Variants in PLA2R1 observed in about 807,000 individuals in gnomAD.
PLA2R1 encodes phospholipase A2 receptor 1.
A neutral mutation model predicts 195.9 loss-of-function variants in PLA2R1; 158 were observed. That is an observed-to-expected ratio of 0.81 (90% CI 0.71 to 0.92). The LOEUF is 0.92. Ranked by LOEUF, PLA2R1 falls within the 40% of genes least tolerant of loss-of-function variation. The pLI is 0.00. For missense variants in PLA2R1, 1,626 were observed against 1,764.6 expected, an observed-to-expected ratio of 0.92 and a Z score of 1.41; for synonymous variants, 586 against 598.2, an observed-to-expected ratio of 0.98 and a Z score of 0.30.
chr2:160,045,981 T>C (rs2105623829), intron 1 of PLA2R1, among the ~76,000 whole-genome samples: 1 of 152,184 alleles, frequency 6.6e-6, no homozygotes, highest in East Asian at 1.9e-4. Context: ...TTTGGGTGAG[T>C]TTCCCGTGGA....
At chr2:159,965,992 G>A (rs61167435) in intron 20 of PLA2R1, among the ~76,000 whole-genome samples, 15 of 152,142 alleles carry the variant, frequency 9.9e-5, no homozygotes, top group Admixed American at 4.6e-4. Context: ...GGCCTGATGC[G>A]TATTCACTGT....
chr2:159,944,363 C>G (rs899840397), intron 28 of PLA2R1, among the ~76,000 whole-genome samples: 5 of 152,084 alleles, frequency 3.3e-5, no homozygotes, highest in Admixed American at 6.5e-5. Flanking sequence ...ATTTTCCCAC[C>G]ATCAGTGACT....
intron 28 of PLA2R1, among the ~76,000 whole-genome samples, chr2:159,943,281 C>G (rs1024146977): frequency 6.6e-6 from 1 of 152,110 alleles, no homozygotes; most frequent in African/African-American, 2.4e-5. Flanking sequence ...CAGACTTGTT[C>G]TTTTAATATA....
chr2:160,000,013 A>G (rs1035119626), intron 11 of PLA2R1, among the ~76,000 whole-genome samples: 1 of 152,158 alleles, frequency 6.6e-6, no homozygotes, highest in African/African-American at 2.4e-5. Flanking sequence ...CTTGCAAATG[A>G]AGTAAAAGTA....
intron 25 of PLA2R1, 27 bp from the exon 26 acceptor site, chr2:159,947,586 CA>C (rs1687469175): frequency 1.1e-5 from 18 of 1,609,590 alleles, no homozygotes; most frequent in Non-Finnish European, 1.4e-5. Flanking sequence ...GTTATGATTT[CA>C]GGGTGGTGAC....
At position 159,984,049 on chromosome 2, in the gene PLA2R1, T is replaced by C; in HGVS notation, c.2062A>G (p.Met688Val). The stretch of plus-strand genomic sequence containing the variant: ...TCAGCTTCTCTCCATGTTCTTTTCA[T>C]CAGAACTTTTTCACTATGAAATACC... ...FKVFHSEKVLMKRTWREAEAF... is the reference protein window; with the variant it reads ...FKVFHSEKVLVKRTWREAEAF... The change falls in exon 13 of 30, where the codon ATG (methionine) becomes GTG (valine). Residue 688 changes from methionine to valine, a missense_variant. Met to Val is a conservative substitution (Grantham distance 21). Transcript: ENST00000283243. 1 of 1,573,974 alleles carries C rather than the reference T, an allele frequency of 6.4e-7. No homozygotes were observed. The highest frequency in any genetic ancestry group is 1.1e-5 in the South Asian group (1 of 88,682).
chr2:160,011,142 A>C, intron 10 of PLA2R1, among the ~76,000 whole-genome samples: 1 of 152,232 alleles, frequency 6.6e-6, no homozygotes, highest in Admixed American at 6.5e-5. Context: ...AGTTTTGGGG[A>C]AAATGAAACA....
chr2:159,974,461 G>A (rs1689402090), intron 17 of PLA2R1, among the ~76,000 whole-genome samples: 1 of 152,180 alleles, frequency 6.6e-6, no homozygotes, highest in Non-Finnish European at 1.5e-5. Context: ...GTTATGGTAA[G>A]TATAGCCAAA....
chr2:160,061,917 T>C (rs1695981025), intron 1 of PLA2R1, among the ~76,000 whole-genome samples: 1 of 152,108 alleles, frequency 6.6e-6, no homozygotes, highest in Non-Finnish European at 1.5e-5. Flanking sequence ...TTTGCTATCA[T>C]TTATCCGTCC....
intron 12 of PLA2R1, among the ~76,000 whole-genome samples, chr2:159,985,506 A>G (rs1690262842): frequency 6.6e-6 from 1 of 152,192 alleles, no homozygotes; most frequent in African/African-American, 2.4e-5. Flanking sequence ...ACTAATTTAA[A>G]TGTAGGATCT....
Position 159,969,259 on chromosome 2 carries a change from T to A in PLA2R1, c.2761A>T (p.Thr921Ser). ...SQRCGFISSITGLWGSEECSV... is the reference protein window; with the variant it reads ...SQRCGFISSISGLWGSEECSV... ...AAAAATGGGTAAGTAAAATAACCTG[T>A]TATAGAAGAAATAAAGCCACATCTC... Residue 921 changes from threonine to serine, a missense_variant, in exon 19 of 30, where the codon ACA becomes TCA. By Grantham distance (58) the Thr-to-Ser change is moderately conservative (BLOSUM62 1). Coordinates refer to ENST00000283243, the MANE Select transcript of PLA2R1 (RefSeq NM_007366.5). The A allele has an allele frequency of 6.4e-7, 1 of 1,558,330 alleles. No homozygotes were observed. The highest frequency in any genetic ancestry group is 8.8e-7 in the Non-Finnish European group (1 of 1,130,252).
intron 21 of PLA2R1, 21 bp from the exon 22 acceptor site, chr2:159,955,849 A>T: frequency 6.5e-7 from 1 of 1,546,020 alleles, no homozygotes; most frequent in Non-Finnish European, 8.9e-7. Flanking sequence ...GGAATACATT[A>T]TCTAATTTAA....
Position 159,941,562 on chromosome 2 carries a change from C to T in PLA2R1, c.*216G>A. 2 of 378,186 alleles carry T rather than the reference C, an allele frequency of 5.3e-6. No homozygotes were observed. The highest frequency in any genetic ancestry group is 4.2e-5 in the Admixed American group (1 of 23,916). The allele number at this position is 378,186 out of a possible 1,614,324, so 23.4% of individuals were successfully genotyped here. On this transcript the variant is annotated 3_prime_UTR_variant, in exon 30 of 30. Transcript: ENST00000283243. The stretch of plus-strand genomic sequence containing the variant: ...GAAAAATAACCAATGCATAATTTAC[C>T]CCTTTTAAGAATGGATCACAGTTTA...
intron 17 of PLA2R1, among the ~76,000 whole-genome samples, chr2:159,973,838 G>A (rs1318843636): frequency 6.6e-6 from 1 of 152,096 alleles, no homozygotes; most frequent in African/African-American, 2.4e-5. Flanking sequence ...CATCAACGTG[G>A]TCATAGGCCA....
chr2:160,049,924 A>G (rs1430143484), intron 1 of PLA2R1, among the ~76,000 whole-genome samples: 5 of 152,202 alleles, frequency 3.3e-5, no homozygotes, highest in African/African-American at 1.2e-4. Flanking sequence ...GCACATGGAC[A>G]CAGGGAGGGA....
chr2:160,001,404 TA>T (rs528186405), intron 11 of PLA2R1, among the ~76,000 whole-genome samples: 125 of 151,710 alleles, frequency 8.2e-4, no homozygotes, highest in Middle Eastern at 3.4e-3. Context: ...AAAACATGAC[TA>T]AAAAATGCAG....
chr2:159,961,747 C>A lies in PLA2R1; in HGVS notation c.2905-5120G>T, dbSNP rs546971402. On this transcript the variant is annotated intron_variant, in intron 20 of 29. Transcript: ENST00000283243. ...GCCACCATTCCCATAGATACACACT[C>A]TCTACGTGTGTACAGGAGGACACAT... is the stretch of plus-strand genomic sequence containing the variant. 2.6e-5 allele frequency among the ~76,000 whole-genome samples: 4 copies of A among 152,242 alleles called. No individual in the cohort carries two copies. In the East Asian group the frequency reaches 7.7e-4, roughly 29 times the overall value.
intron 20 of PLA2R1, among the ~76,000 whole-genome samples, chr2:159,959,713 G>A (rs189856949): frequency 6.6e-6 from 1 of 152,150 alleles, no homozygotes; most frequent in East Asian, 1.9e-4. Context: ...TGAATGGCAC[G>A]GTCTGCATGC....
downstream of PLA2R1, among the ~76,000 whole-genome samples, chr2:159,930,398 A>G (rs1257588255): frequency 7.1e-6 from 1 of 140,662 alleles, no homozygotes; most frequent in Non-Finnish European, 1.5e-5. Flanking sequence ...ACAGAGCGAG[A>G]CTCCGTCTCA....
Sources: gnomAD v4.1 joint callset for allele counts (sites outside exome capture counted in the v4.1 genomes callset) on GRCh38, gnomAD v4.1.1 for gene constraint, MANE v1.5 for transcripts, NCBI Gene and HGNC (gene_info 2026-07-23, HGNC 2026-07-21) for gene names.